The following C7 variants were observed in gnomAD, a reference collection of about 807,000 sequenced individuals.
C7 encodes complement component C7.
C7 carries 83 observed loss-of-function variants against 104.8 expected under a neutral mutation model. The ratio of observed to expected loss-of-function variants is 0.79; its 90% confidence interval spans 0.66 to 0.95. The LOEUF (loss-of-function observed/expected upper bound fraction) is 0.95. Among genes scored for constraint, C7 ranks in the 40% least tolerant of loss-of-function variants. C7 has a pLI of 0.00. For synonymous variants in C7, 415 were observed against 360.6 expected, an observed-to-expected ratio of 1.15 and a Z score of -1.71; for missense variants, 1,070 against 1,011.2, an observed-to-expected ratio of 1.06 and a Z score of -0.79.
chr5:40,966,164 T>C (rs1740546947), intron 14 of C7, among the ~76,000 whole-genome samples: 2 of 152,088 alleles, frequency 1.3e-5, no homozygotes, highest in South Asian at 4.1e-4. Flanking sequence ...TTCGGTTACA[T>C]GAGTAAGTTC....
Position 40,936,331 on chromosome 5 carries a change from T to C in C7, c.281-7T>C, listed in dbSNP as rs1267795162. 7 of 1,612,810 alleles carry C rather than the reference T, an allele frequency of 4.3e-6. No individual in the cohort carries two copies. Among genetic ancestry groups the C allele is most frequent in the Non-Finnish European group, 5.1e-6 (6 of 1,179,296 alleles). On this transcript the variant is annotated splice_region_variant and splice_polypyrimidine_tract_variant and intron_variant, in intron 4 of 17. Transcript: ENST00000313164. ...TACATTTGCACGTGGATTTCTCTGG[T>C]GTTCAGGTCAGTGCATCAGCAAATC...
At chr5:40,914,224 C>A (rs4957144) in intron 1 of C7, among the ~76,000 whole-genome samples, 50,946 of 152,046 alleles carry the variant, frequency 0.34, 9,730 homozygotes, top group Non-Finnish European at 0.44. Flanking sequence ...TGATGTTGAG[C>A]ACATTTTCAT....
At chr5:40,974,745 TTAAAATC>T (rs1740778449) in intron 15 of C7, among the ~76,000 whole-genome samples, 1 of 152,180 alleles carries the variant, frequency 6.6e-6, no homozygotes, top group African/African-American at 2.4e-5. Context: ...AAGCAAACTT[TTAAAATC>T]TAAAATTTCA....
Position 40,976,794 on chromosome 5 carries a change from A to G in C7, c.2119A>G (p.Lys707Glu). The change falls in exon 16 of 18, where the codon AAA (lysine) becomes GAA (glutamate). Residue 707 changes from lysine to glutamate, a missense_variant. By Grantham distance (56) the Lys-to-Glu change is moderately conservative. Coordinates refer to ENST00000313164, the MANE Select transcript of C7 (RefSeq NM_000587.4). Reference protein sequence around the residue: ...QAVPKCQRWEKLQNSRCVCKM... With the variant: ...QAVPKCQRWEELQNSRCVCKM... ...AGTGCCTAAATGTCAGCGCTGGGAGAAACTGCAGAATTCAAGATGTGTTTG... is the reference window on the plus strand; with the variant it reads ...AGTGCCTAAATGTCAGCGCTGGGAGGAACTGCAGAATTCAAGATGTGTTTG... The G allele has an allele frequency of 6.2e-7, 1 of 1,607,470 alleles. No individual in the cohort carries two copies. The highest frequency in any genetic ancestry group is 8.5e-7 in the Non-Finnish European group (1 of 1,176,696).
At chr5:40,937,438 A>C in intron 5 of C7, 114 bp from the exon 6 acceptor site, 1 of 957,444 alleles carries the variant, frequency 1.0e-6, no homozygotes, top group Non-Finnish European at 1.5e-6. Flanking sequence ...GTTTAAGTGT[A>C]ATGCATTTTA....
chr5:40,922,907 T>C (rs1739471350), intron 1 of C7, among the ~76,000 whole-genome samples: 1 of 152,240 alleles, frequency 6.6e-6, no homozygotes, highest in South Asian at 2.1e-4. Context: ...CATAGATCAA[T>C]GGTCTAGGCA....
Position 40,910,515 on chromosome 5 carries a change from T to C in C7, c.6+899T>C, listed in dbSNP as rs186348004. ...TGGATCTTGATTAAGCCATGCCTTC[T>C]GTGAAATTAAATAATTAAAATTAAA... On this transcript the variant is annotated intron_variant, in intron 1 of 17. Coordinates refer to ENST00000313164, the MANE Select transcript of C7 (RefSeq NM_000587.4). Among the ~76,000 whole-genome samples, 819 of 152,244 alleles carry C rather than the reference T, an allele frequency of 5.4e-3. 4 individuals are homozygous for C. The highest frequency in any genetic ancestry group is 0.011 in the South Asian group (52 of 4,826).
intron 9 of C7, among the ~76,000 whole-genome samples, chr5:40,952,664 G>T (rs1184098491): frequency 1.3e-5 from 2 of 151,858 alleles, no homozygotes; most frequent in African/African-American, 4.8e-5. Context: ...CCCACTACAG[G>T]CCCCGGTGTG....
At chr5:40,952,943 T>A (rs370463293) in intron 9 of C7, among the ~76,000 whole-genome samples, 1 of 152,220 alleles carries the variant, frequency 6.6e-6, no homozygotes, top group African/African-American at 2.4e-5. Context: ...AACTTTAATA[T>A]GCATGACGCT....
At chr5:40,963,726 C>T (rs1180262865) in intron 13 of C7, among the ~76,000 whole-genome samples, 1 of 152,062 alleles carries the variant, frequency 6.6e-6, no homozygotes, top group East Asian at 1.9e-4. Flanking sequence ...ACCCTTCATC[C>T]ATCCCCAGGC....
chr5:40,962,787 G>A (rs1253581248), intron 13 of C7, among the ~76,000 whole-genome samples: 1 of 152,140 alleles, frequency 6.6e-6, no homozygotes, highest in Non-Finnish European at 1.5e-5. Flanking sequence ...AGCCCCAGTG[G>A]TGCCTCTTCA....
chr5:40,950,649 A>G (rs1740148492), intron 9 of C7, among the ~76,000 whole-genome samples: 1 of 152,222 alleles, frequency 6.6e-6, no homozygotes, highest in African/African-American at 2.4e-5. Flanking sequence ...GTAGTGAGAC[A>G]TCACACAGGA....
intron 8 of C7, among the ~76,000 whole-genome samples, chr5:40,948,716 C>A (rs923654991): frequency 6.6e-6 from 1 of 152,154 alleles, no homozygotes; most frequent in African/African-American, 2.4e-5. Context: ...TGTTCCAAGT[C>A]AAACCTTTTT....
At chr5:40,937,762 G>GT in intron 6 of C7, 72 bp downstream of exon 6, 1 of 1,270,612 alleles carries the variant, frequency 7.9e-7, no homozygotes, top group Non-Finnish European at 1.1e-6. Flanking sequence ...TGACTTTTAC[G>GT]TATTTGTTGA....
intron 17 of C7, 118 bp from the exon 18 acceptor site, chr5:40,981,274 T>C: frequency 2.1e-6 from 2 of 956,472 alleles, no homozygotes; most frequent in Non-Finnish European, 3.2e-6. Context: ...ATTTATTATG[T>C]CATTCCAGGC....
Position 40,967,211 on chromosome 5 carries a change from G to A in C7, c.1882+2338G>A, listed in dbSNP as rs116617128. Among the ~76,000 whole-genome samples the A allele has an allele frequency of 8.8e-3, 1,341 of 151,802 alleles. 13 individuals carry two copies. Among genetic ancestry groups the A allele is most frequent in the African/African-American group, 0.031 (1,264 of 41,374 alleles). On this transcript the variant is annotated intron_variant, in intron 14 of 17. Coordinates refer to ENST00000313164, the MANE Select transcript of C7 (RefSeq NM_000587.4). ...CTCCTGAGTAGCTGGGACAACAGCC[G>A]TGCACCACCATGCCCAGCTACTTTT...
intron 1 of C7, among the ~76,000 whole-genome samples, chr5:40,921,034 G>C (rs10473228): frequency 0.18 from 26,002 of 140,596 alleles, 2,553 homozygotes; most frequent in East Asian, 0.33. Context: ...GGGCGACAGA[G>C]CAAGACTCTG....
At position 40,931,107 on chromosome 5, in the gene C7, T is replaced by C. The variant is rs748371025; in HGVS notation, c.106T>C (p.Trp36Arg). The change falls in exon 3 of 18, where the codon TGG becomes CGG. Residue 36 changes from tryptophan to arginine, a missense_variant. Physicochemically the swap from Trp to Arg is moderately radical, Grantham distance 101 (BLOSUM62 -3). Transcript: ENST00000313164. ...CTGCCAGTGGGACTTCTATGCCCCT[T>C]GGTCAGAATGCAATGGCTGTACCAA... ...VNCQWDFYAPWSECNGCTKTQ... is the reference protein window; with the variant it reads ...VNCQWDFYAPRSECNGCTKTQ... 1 of 1,613,666 alleles carries C rather than the reference T, an allele frequency of 6.2e-7. No individual in the cohort carries two copies. Among genetic ancestry groups the C allele is most frequent in the South Asian group, 1.1e-5 (1 of 91,048 alleles).
intron 6 of C7, among the ~76,000 whole-genome samples, chr5:40,939,328 TA>T (rs1169619131): frequency 6.6e-6 from 1 of 152,216 alleles, no homozygotes; most frequent in East Asian, 1.9e-4. Context: ...TACACTATTT[TA>T]GGTGATTAGC....
Sources: allele counts gnomAD v4.1 joint callset (sites outside exome capture counted in the v4.1 genomes callset), GRCh38; gene constraint gnomAD v4.1.1; transcripts MANE v1.5; gene names NCBI Gene and HGNC (gene_info 2026-07-23, HGNC 2026-07-21).